Variants in CTNNA2 observed in about 807,000 individuals in gnomAD.
The protein encoded by CTNNA2 is catenin alpha 2.
Under a neutral mutation model 101.0 loss-of-function variants are expected in CTNNA2, and 42 were observed. That is an observed-to-expected ratio of 0.42 (90% CI 0.32 to 0.54). The LOEUF is 0.54. Ranked by LOEUF, CTNNA2 falls within the 20% of genes least tolerant of loss-of-function variation. The pLI, the probability that CTNNA2 is intolerant of heterozygous loss-of-function variation, is 0.14. For synonymous variants in CTNNA2, 450 were observed against 456.4 expected, an observed-to-expected ratio of 0.99 and a Z score of 0.18; for missense variants, 871 against 1,223.1, an observed-to-expected ratio of 0.71 and a Z score of 4.29.
intron 4 of CTNNA2, among the ~76,000 whole-genome samples, chr2:79,456,141 A>T (rs1670817799): frequency 6.6e-6 from 1 of 150,876 alleles, no homozygotes; most frequent in East Asian, 2.0e-4. Flanking sequence ...TTATAAAATT[A>T]TAATTTAAAT....
intron 18 of CTNNA2, among the ~76,000 whole-genome samples, chr2:80,632,940 AC>A (rs1672453582): frequency 6.6e-6 from 1 of 152,226 alleles, no homozygotes; most frequent in Non-Finnish European, 1.5e-5. Flanking sequence ...CAAAGAGATT[AC>A]AGAGTGTCCA....
At chr2:79,293,622 C>T (rs913179403) in intron 2 of CTNNA2, among the ~76,000 whole-genome samples, 1 of 152,128 alleles carries the variant, frequency 6.6e-6, no homozygotes, top group Admixed American at 6.5e-5. Context: ...GAGGGTAGGT[C>T]AAAAGCTAAT....
chr2:79,386,144 A>T (rs1678103327), intron 4 of CTNNA2, among the ~76,000 whole-genome samples: 3 of 152,202 alleles, frequency 2.0e-5, no homozygotes, highest in Admixed American at 2.0e-4. Context: ...TTACACTCCC[A>T]CTAAGAGTGT....
chr2:79,794,619 C>T (rs1281445135), intron 3 of CTNNA2, among the ~76,000 whole-genome samples: 3 of 152,192 alleles, frequency 2.0e-5, no homozygotes, highest in South Asian at 2.1e-4. Flanking sequence ...AAGTCTTAAG[C>T]GTACAATATT....
At chr2:79,817,960 G>C (rs1258556318) in intron 3 of CTNNA2, among the ~76,000 whole-genome samples, 1 of 152,110 alleles carries the variant, frequency 6.6e-6, no homozygotes, top group Non-Finnish European at 1.5e-5. Context: ...ATTTTATGCT[G>C]TTCTGCTAAA....
At chr2:79,451,475 C>T (rs1670747419) in intron 4 of CTNNA2, among the ~76,000 whole-genome samples, 1 of 151,856 alleles carries the variant, frequency 6.6e-6, no homozygotes, top group East Asian at 1.9e-4. Flanking sequence ...TAAAAAAAAA[C>T]TCAGCAACCC....
intron 4 of CTNNA2, among the ~76,000 whole-genome samples, chr2:79,436,305 G>A (rs1678712902): frequency 6.6e-6 from 1 of 152,184 alleles, no homozygotes; most frequent in African/African-American, 2.4e-5. Context: ...ATTATTTGGA[G>A]GCAGTCACAA....
chr2:79,868,009 C>A (rs577793085), intron 4 of CTNNA2, among the ~76,000 whole-genome samples: 1 of 152,296 alleles, frequency 6.6e-6, no homozygotes, highest in South Asian at 2.1e-4. Flanking sequence ...GTACGAGATT[C>A]TCTTTAAACT....
chr2:80,038,744 G>A (rs1476357778), intron 7 of CTNNA2, among the ~76,000 whole-genome samples: 1 of 152,186 alleles, frequency 6.6e-6, no homozygotes, highest in Non-Finnish European at 1.5e-5. Context: ...TACTGGGGAG[G>A]CTGAGGCACA....
intron 1 of CTNNA2, among the ~76,000 whole-genome samples, chr2:79,598,537 A>G (rs1485850588): frequency 6.6e-6 from 1 of 152,178 alleles, no homozygotes; most frequent in Non-Finnish European, 1.5e-5. Context: ...TGTTGCTTTA[A>G]TTTGCAATTC....
intron 17 of CTNNA2, among the ~76,000 whole-genome samples, chr2:80,612,308 A>G (rs1259081028): frequency 3.3e-5 from 5 of 151,532 alleles, no homozygotes; most frequent in South Asian, 2.1e-4. Context: ...TCTAATTACA[A>G]TCAACATGAA....
chr2:80,321,364 G>A (rs1440557981), intron 7 of CTNNA2, among the ~76,000 whole-genome samples: 1 of 152,142 alleles, frequency 6.6e-6, no homozygotes. Context: ...CTGGTGGTGA[G>A]GATGTTCTGG....
intron 8 of CTNNA2, among the ~76,000 whole-genome samples, chr2:80,413,212 T>C (rs1336871041): frequency 1.3e-5 from 2 of 152,184 alleles, no homozygotes; most frequent in African/African-American, 4.8e-5. Context: ...CAGTTGTACT[T>C]TTAATTGATC....
intron 2 of CTNNA2, among the ~76,000 whole-genome samples, chr2:79,240,817 C>T (rs207461935): frequency 1.3e-5 from 2 of 151,988 alleles, no homozygotes; most frequent in Non-Finnish European, 1.5e-5. Context: ...TGTAAAATAA[C>T]CCAGAATACA....
At chr2:80,458,632 T>C (rs1218710517) in intron 9 of CTNNA2, among the ~76,000 whole-genome samples, 1 of 152,222 alleles carries the variant, frequency 6.6e-6, no homozygotes, top group Admixed American at 6.5e-5. Context: ...ATCATTTTTT[T>C]AGCAGACTGC....
intron 7 of CTNNA2, among the ~76,000 whole-genome samples, chr2:80,127,805 A>G (rs1318194851): frequency 1.3e-5 from 2 of 152,140 alleles, no homozygotes; most frequent in African/African-American, 2.4e-5. Context: ...ACTCTGGGCT[A>G]TCAATTAGTG....
intron 7 of CTNNA2, among the ~76,000 whole-genome samples, chr2:80,091,706 T>C (rs1291480425): frequency 6.6e-6 from 1 of 152,040 alleles, no homozygotes; most frequent in Admixed American, 6.6e-5. Flanking sequence ...TCATTTCAGC[T>C]GTGAGGTGAT....
At chr2:79,836,859 T>C (rs551586772) in intron 3 of CTNNA2, among the ~76,000 whole-genome samples, 1 of 152,230 alleles carries the variant, frequency 6.6e-6, no homozygotes, top group East Asian at 1.9e-4. Context: ...AGCCTCAACC[T>C]TCTGGGCTCT....
chr2:79,904,479 TTTATAA>T (rs1356335696), intron 6 of CTNNA2, among the ~76,000 whole-genome samples: 1 of 152,214 alleles, frequency 6.6e-6, no homozygotes, highest in Non-Finnish European at 1.5e-5. Flanking sequence ...AGTAATATAC[TTTATAA>T]TTGTAATTAT....
Sources: allele counts gnomAD v4.1 joint callset (sites outside exome capture counted in the v4.1 genomes callset), GRCh38; gene constraint gnomAD v4.1.1; transcripts MANE v1.5; gene names NCBI Gene and HGNC (gene_info 2026-07-23, HGNC 2026-07-21).